The following ABCA12 variants were observed in gnomAD, a reference collection of about 807,000 sequenced individuals.
The protein encoded by ABCA12 is glucosylceramide transporter ABCA12.
In ABCA12, 156 loss-of-function variants were observed where a neutral mutation model predicts 293.5. That is an observed-to-expected ratio of 0.53 (90% CI 0.47 to 0.61). The LOEUF is 0.61. Ranked by LOEUF, ABCA12 falls within the 20% of genes least tolerant of loss-of-function variation. The probability of loss-of-function intolerance (pLI) is 0.00; values close to 1 mark genes in which losing one functional copy is unlikely to be tolerated. For missense variants in ABCA12, 2,797 were observed against 3,090.2 expected, an observed-to-expected ratio of 0.91 and a Z score of 2.25; for synonymous variants, 1,063 against 1,108.0, an observed-to-expected ratio of 0.96 and a Z score of 0.81.
intron 14 of ABCA12, among the ~76,000 whole-genome samples, chr2:215,016,943 C>T (rs1006198584): frequency 6.6e-6 from 1 of 152,096 alleles, no homozygotes; most frequent in African/African-American, 2.4e-5. Flanking sequence ...TCCATTTACA[C>T]GTTTTATTTA....
In ABCA12 at chr2:215,007,825, G is replaced by A. The variant is rs756480903; in HGVS notation, c.2494C>T (p.Leu832=). The change falls in exon 19 of 53, where the codon CTG becomes TTG. Residue 832 remains leucine (L), a synonymous_variant. Transcript: ENST00000272895. ...TGAGATTTTTCTCTTAATTCCGCCA[G>A]CTGTCTCAGAGTTACATTGGACTTA... ...MEKSNVTLRQ[L]AELREKSQEW... is the part of the protein sequence containing the mutation. 6 of 1,613,888 alleles carry A rather than the reference G, an allele frequency of 3.7e-6. No individual in the cohort carries two copies. In the East Asian group the frequency reaches 1.1e-4, roughly 30 times the overall value.
intron 1 of ABCA12, among the ~76,000 whole-genome samples, chr2:215,131,804 T>C (rs1235424912): frequency 3.3e-5 from 5 of 151,672 alleles, no homozygotes; most frequent in Non-Finnish European, 7.4e-5. Flanking sequence ...CTCTTGTTTT[T>C]CTAGTACCTT....
intron 9 of ABCA12, among the ~76,000 whole-genome samples, chr2:215,031,231 T>A (rs1169386274): frequency 6.6e-6 from 1 of 152,196 alleles, no homozygotes; most frequent in African/African-American, 2.4e-5. Flanking sequence ...TTTGCCTAAC[T>A]GAATACCACT....
At chr2:215,015,138 C>T (rs1700463108) in intron 15 of ABCA12, among the ~76,000 whole-genome samples, 1 of 143,596 alleles carries the variant, frequency 7.0e-6, no homozygotes, top group Non-Finnish European at 1.5e-5. Flanking sequence ...TTTAACCCTA[C>T]CAACTTCATG....
At chr2:215,099,592 C>A (rs1332233587) in intron 2 of ABCA12, among the ~76,000 whole-genome samples, 1 of 151,508 alleles carries the variant, frequency 6.6e-6, no homozygotes, top group Non-Finnish European at 1.5e-5. Context: ...ACTCGGGAGG[C>A]TGAGGCAGTA....
At chr2:215,033,896 A>G (rs755431464) in intron 8 of ABCA12, among the ~76,000 whole-genome samples, 20 of 152,106 alleles carry the variant, frequency 1.3e-4, no homozygotes, top group Non-Finnish European at 2.4e-4. Context: ...AGCCGAGATC[A>G]TGCCACTGCA....
intron 30 of ABCA12, among the ~76,000 whole-genome samples, chr2:214,981,709 T>C (rs990608653): frequency 2.7e-5 from 4 of 147,706 alleles, no homozygotes; most frequent in African/African-American, 9.9e-5. Flanking sequence ...TCTATACAAA[T>C]AAATTTTAAA....
intron 1 of ABCA12, among the ~76,000 whole-genome samples, chr2:215,123,368 A>G (rs1002525578): frequency 3.3e-5 from 5 of 151,898 alleles, no homozygotes; most frequent in African/African-American, 1.2e-4. Flanking sequence ...ATGGGGTTTC[A>G]CCATGTTGGC....
intron 2 of ABCA12, among the ~76,000 whole-genome samples, chr2:215,064,689 A>C (rs1019345805): frequency 9.3e-6 from 1 of 107,996 alleles, no homozygotes; most frequent in African/African-American, 5.0e-5. Context: ...ATCTTTTAAT[A>C]CACGCACACA....
rs1699020609 is a variant in ABCA12, at chr2:214,958,500, ACT to A, written c.5940-48_5940-47del. 6 of 1,591,498 alleles carry A rather than the reference ACT, an allele frequency of 3.8e-6. No individual in the cohort carries two copies. In the Admixed American group the frequency reaches 8.4e-5, roughly 22 times the overall value. On this transcript the variant is annotated intron_variant, in intron 40 of 52. Coordinates refer to ENST00000272895, the MANE Select transcript of ABCA12 (RefSeq NM_173076.3). The stretch of plus-strand genomic sequence containing the variant: ...AGGAAAACACACATAAGTTTTTGAA[ACT>A]CTTTTCCTTTCAGAAAGATTCATAA...
At chr2:214,995,484 A>T (rs879324434) in intron 23 of ABCA12, among the ~76,000 whole-genome samples, 1 of 152,202 alleles carries the variant, frequency 6.6e-6, no homozygotes, top group Non-Finnish European at 1.5e-5. Flanking sequence ...GATCTGGAAG[A>T]GGATTGGTTG....
chr2:214,933,135 AG>A (rs1475853093), intron 52 of ABCA12, among the ~76,000 whole-genome samples: 7 of 152,176 alleles, frequency 4.6e-5, no homozygotes, highest in African/African-American at 1.7e-4. Flanking sequence ...AGAAATGTTG[AG>A]AGAAATTTCA....
In ABCA12 at chr2:215,122,102, A is replaced by G. The variant is rs181120235; in HGVS notation, c.70-10412T>C. 3.3e-5 allele frequency among the ~76,000 whole-genome samples: 5 copies of G among 152,306 alleles called. No individual in the cohort carries two copies. In the East Asian group the frequency reaches 9.7e-4, roughly 29 times the overall value. Reference sequence around the variant, plus strand: ...AAATTTAAAGATTGGTAAATTTTTTATGGTGTTTACAGAAGCAACGGATTT... The same window carrying G: ...AAATTTAAAGATTGGTAAATTTTTTGTGGTGTTTACAGAAGCAACGGATTT... On this transcript the variant is annotated intron_variant, in intron 1 of 52. Coordinates refer to ENST00000272895, the MANE Select transcript of ABCA12 (RefSeq NM_173076.3).
At chr2:215,022,476 A>C (rs1334014321) in intron 11 of ABCA12, 1 of 152,264 alleles carries the variant, frequency 6.6e-6, no homozygotes, top group Non-Finnish European at 1.5e-5. Flanking sequence ...CAATACAGGC[A>C]TTAAAGTTCT....
intron 5 of ABCA12, among the ~76,000 whole-genome samples, chr2:215,051,219 A>G (rs113787641): frequency 0.024 from 3,687 of 152,242 alleles, 163 homozygotes; most frequent in African/African-American, 0.084. Flanking sequence ...GATTGGGGGA[A>G]GCTTTAGACT....
chr2:215,128,472 T>C (rs1236346107), intron 1 of ABCA12, among the ~76,000 whole-genome samples: 3 of 152,194 alleles, frequency 2.0e-5, no homozygotes, highest in African/African-American at 7.2e-5. Context: ...ATTTTAGACT[T>C]CTTGGAAGCT....
At position 215,071,797 on chromosome 2, in the gene ABCA12, G is replaced by T. The variant is rs1575024872; in HGVS notation, c.164-7578C>A. ...CATTCATCTTATTTTCCACTTGCTGGCTGTGGCTTCTCTGCTCGACCTGGT... is the reference window on the plus strand; with the variant it reads ...CATTCATCTTATTTTCCACTTGCTGTCTGTGGCTTCTCTGCTCGACCTGGT... On this transcript the variant is annotated intron_variant, in intron 2 of 52. Coordinates refer to ENST00000272895, the MANE Select transcript of ABCA12 (RefSeq NM_173076.3). Among the ~76,000 whole-genome samples, 3 of 152,140 alleles carry T rather than the reference G, an allele frequency of 2.0e-5. No individual in the cohort carries two copies. In the South Asian group the frequency reaches 6.2e-4, roughly 32 times the overall value.
At chr2:215,109,978 A>G (rs549814212) in intron 2 of ABCA12, among the ~76,000 whole-genome samples, 1 of 152,344 alleles carries the variant, frequency 6.6e-6, no homozygotes, top group East Asian at 1.9e-4. Flanking sequence ...CTTATATGGT[A>G]TTCCTGAAGC....
At chr2:215,132,229 G>A (rs1703075124) in intron 1 of ABCA12, among the ~76,000 whole-genome samples, 1 of 152,014 alleles carries the variant, frequency 6.6e-6, no homozygotes. Flanking sequence ...TGGGTATAAT[G>A]TTCTATAAAT....
Sources: allele counts gnomAD v4.1 joint callset (sites outside exome capture counted in the v4.1 genomes callset), GRCh38; gene constraint gnomAD v4.1.1; transcripts MANE v1.5; gene names NCBI Gene and HGNC (gene_info 2026-07-23, HGNC 2026-07-21).